Variants in NUP210L observed in about 807,000 individuals in gnomAD.
NUP210L encodes nuclear pore membrane glycoprotein 210-like.
Under a neutral mutation model 208.5 loss-of-function variants are expected in NUP210L, and 74 were observed. That is an observed-to-expected ratio of 0.35 (90% CI 0.29 to 0.43). The LOEUF is 0.43. NUP210L is among the 20% of genes least tolerant of loss of function. NUP210L has a pLI of 1.00. For missense variants in NUP210L, 1,843 were observed against 2,289.4 expected, an observed-to-expected ratio of 0.81 and a Z score of 3.98; for synonymous variants, 780 against 816.9, an observed-to-expected ratio of 0.95 and a Z score of 0.77.
intron 13 of NUP210L, among the ~76,000 whole-genome samples, chr1:154,103,132 G>A (rs375536040): frequency 1.3e-5 from 2 of 152,054 alleles, no homozygotes; most frequent in African/African-American, 2.4e-5. Flanking sequence ...AGTGGCTCAC[G>A]CCTGTAATCC....
chr1:154,007,542 G>A (rs985947601), intron 35 of NUP210L, among the ~76,000 whole-genome samples: 13 of 151,820 alleles, frequency 8.6e-5, no homozygotes, highest in Admixed American at 2.6e-4. Context: ...GATTACAGGC[G>A]TGAGTCATCG....
intron 38 of NUP210L, 33 bp downstream of exon 38, chr1:153,995,028 AGGCAGTTTTCATGTC>A: frequency 8.8e-7 from 1 of 1,132,230 alleles, no homozygotes; most frequent in Non-Finnish European, 1.3e-6. Flanking sequence ...AAAAAAAAAA[AGGCAGTTTTCATGTC>A]AAAGTCTATG....
chr1:154,117,220 C>A (rs978545717), intron 12 of NUP210L, among the ~76,000 whole-genome samples: 1 of 152,098 alleles, frequency 6.6e-6, no homozygotes, highest in East Asian at 1.9e-4. Context: ...AGGAAACAAA[C>A]ATAGATGTTA....
intron 25 of NUP210L, among the ~76,000 whole-genome samples, chr1:154,048,662 C>T (rs1571211972): frequency 6.6e-6 from 1 of 152,288 alleles, no homozygotes; most frequent in African/African-American, 2.4e-5. Context: ...GCTGGTAATG[C>T]CGCAGTAGAT....
intron 28 of NUP210L, 107 bp from the exon 29 acceptor site, chr1:154,027,704 C>T (rs189883490): frequency 4.5e-6 from 3 of 668,144 alleles, no homozygotes; most frequent in African/African-American, 3.6e-5. Flanking sequence ...AAATAAATGA[C>T]AACTACGAAT....
chr1:154,111,715 G>C (rs1657045490), intron 12 of NUP210L, among the ~76,000 whole-genome samples: 1 of 151,388 alleles, frequency 6.6e-6, no homozygotes, highest in Non-Finnish European at 1.5e-5. Context: ...ATTTAAAAAA[G>C]AACTAATTCT....
intron 6 of NUP210L, among the ~76,000 whole-genome samples, chr1:154,137,377 C>T (rs1030499431): frequency 2.0e-5 from 3 of 151,964 alleles, no homozygotes; most frequent in African/African-American, 7.3e-5. Flanking sequence ...ATGGTGAAAC[C>T]CCGTCTCTAC....
chr1:154,121,942 A>G (rs541529709), intron 10 of NUP210L, among the ~76,000 whole-genome samples: 2 of 152,128 alleles, frequency 1.3e-5, no homozygotes, highest in Non-Finnish European at 2.9e-5. Context: ...GAATAATACA[A>G]AAGCATAAAT....
At chr1:153,993,088 T>C (rs1472078633) in exon 39 of NUP210L, 4 of 1,611,180 alleles carry the variant, frequency 2.5e-6, no homozygotes, top group Admixed American at 1.7e-5. Context: ...AGGCATTGTA[T>C]GCTGGAAAAA....
At chr1:154,129,211 T>C (rs1217435874) in intron 8 of NUP210L, 66 bp downstream of exon 8, 3 of 912,352 alleles carry the variant, frequency 3.3e-6, no homozygotes, top group East Asian at 2.4e-5. Context: ...AAATGCTGTA[T>C]AATGCACTCA....
chr1:154,014,103 C>T (rs981762272), intron 33 of NUP210L, among the ~76,000 whole-genome samples: 7 of 152,112 alleles, frequency 4.6e-5, no homozygotes, highest in African/African-American at 1.2e-4. Context: ...ACTCTACATT[C>T]TCCTTAGTAT....
At chr1:154,108,292 G>A (rs1262372552) in intron 12 of NUP210L, among the ~76,000 whole-genome samples, 3 of 152,038 alleles carry the variant, frequency 2.0e-5, no homozygotes, top group Non-Finnish European at 4.4e-5. Flanking sequence ...TGAGTAGCTG[G>A]GATCACAGGC....
chr1:154,144,103 C>A (rs1658994951), intron 2 of NUP210L, among the ~76,000 whole-genome samples: 1 of 151,914 alleles, frequency 6.6e-6, no homozygotes, highest in Non-Finnish European at 1.5e-5. Context: ...AAGGTGTGAA[C>A]CCAGGAGACA....
intron 16 of NUP210L, among the ~76,000 whole-genome samples, chr1:154,071,093 T>TG (rs1331085134): frequency 7.3e-4 from 110 of 151,464 alleles, no homozygotes; most frequent in African/African-American, 2.1e-3. Context: ...TTGTTTTGTT[T>TG]TTTGTTTTTT....
At chr1:154,134,229 A>AATG (rs1236191461) in intron 7 of NUP210L, among the ~76,000 whole-genome samples, 5 of 151,832 alleles carry the variant, frequency 3.3e-5, no homozygotes. Flanking sequence ...GTATACCCAG[A>AATG]GCTTAGAACA....
At chr1:154,130,255 C>G (rs563400786) in intron 7 of NUP210L, among the ~76,000 whole-genome samples, 1 of 152,006 alleles carries the variant, frequency 6.6e-6, no homozygotes, top group African/African-American at 2.4e-5. Flanking sequence ...AGAAGAATTG[C>G]TTGAACCCAG....
intron 27 of NUP210L, among the ~76,000 whole-genome samples, chr1:154,038,619 A>G (rs1288511829): frequency 6.6e-6 from 1 of 152,128 alleles, no homozygotes; most frequent in Non-Finnish European, 1.5e-5. Flanking sequence ...TACTAGGGTT[A>G]CAGGCGTAAG....
intron 3 of NUP210L, 129 bp from the exon 4 acceptor site, chr1:154,141,653 C>T (rs1355390412): frequency 6.4e-6 from 4 of 622,586 alleles, no homozygotes; most frequent in Non-Finnish European, 1.2e-5. Context: ...ATAGAAAGCA[C>T]TATCATTAAT....
At chr1:154,124,398 A>G (rs1034140505) in intron 10 of NUP210L, among the ~76,000 whole-genome samples, 9 of 152,182 alleles carry the variant, frequency 5.9e-5, no homozygotes, top group African/African-American at 1.7e-4. Flanking sequence ...AGAGGAAAGC[A>G]GGTTTGGCAG....
Sources: allele counts gnomAD v4.1 joint callset (sites outside exome capture counted in the v4.1 genomes callset), GRCh38; gene constraint gnomAD v4.1.1; transcripts MANE v1.5; gene names NCBI Gene and HGNC (gene_info 2026-07-23, HGNC 2026-07-21).